Variants in PDE4B observed in about 807,000 individuals in gnomAD.
PDE4B encodes 3',5'-cyclic-AMP phosphodiesterase 4B.
PDE4B carries 20 observed loss-of-function variants against 82.2 expected under a neutral mutation model. That is an observed-to-expected ratio of 0.24 (90% CI 0.17 to 0.35). The LOEUF (loss-of-function observed/expected upper bound fraction) is 0.35. Ranked by LOEUF, PDE4B falls within the 10% of genes least tolerant of loss-of-function variation. The pLI is 1.00. For synonymous variants in PDE4B, 320 were observed against 318.9 expected, an observed-to-expected ratio of 1.00 and a Z score of -0.04; for missense variants, 655 against 907.2, an observed-to-expected ratio of 0.72 and a Z score of 3.57.
intron 3 of PDE4B, among the ~76,000 whole-genome samples, chr1:65,986,250 T>C (rs1050976242): frequency 2.0e-5 from 3 of 152,150 alleles, no homozygotes; most frequent in African/African-American, 4.8e-5. Context: ...GGAGAGCTCA[T>C]AGATTAGGCC....
intron 3 of PDE4B, among the ~76,000 whole-genome samples, chr1:65,969,792 T>A (rs1440980986): frequency 2.0e-5 from 3 of 152,134 alleles, no homozygotes; most frequent in Non-Finnish European, 2.9e-5. Flanking sequence ...GTTTTGTTTC[T>A]TTATTTCTTT....
At chr1:65,916,666 T>C (rs556749628) in intron 2 of PDE4B, among the ~76,000 whole-genome samples, 1 of 152,274 alleles carries the variant, frequency 6.6e-6, no homozygotes, top group East Asian at 1.9e-4. Context: ...ATATTTTGTC[T>C]CCTAAAGAAG....
At chr1:66,051,531 G>A (rs144484788) in intron 3 of PDE4B, among the ~76,000 whole-genome samples, 68 of 152,094 alleles carry the variant, frequency 4.5e-4, no homozygotes, top group African/African-American at 1.5e-3. Context: ...TATTCCTCTC[G>A]CTGAAAAAGA....
chr1:66,212,225 A>G (rs1040599385), intron 3 of PDE4B, among the ~76,000 whole-genome samples: 3 of 152,158 alleles, frequency 2.0e-5, no homozygotes, highest in Non-Finnish European at 4.4e-5. Flanking sequence ...ATCTGCTTAC[A>G]GTTGGTACCA....
intron 7 of PDE4B, among the ~76,000 whole-genome samples, chr1:66,288,894 C>T (rs1262901483): frequency 6.6e-6 from 1 of 152,154 alleles, no homozygotes; most frequent in African/African-American, 2.4e-5. Context: ...TGTCATGATC[C>T]AGCTTTTTAA....
At chr1:66,207,462 C>A (rs1220465263) in intron 3 of PDE4B, among the ~76,000 whole-genome samples, 1 of 152,064 alleles carries the variant, frequency 6.6e-6, no homozygotes, top group East Asian at 1.9e-4. Flanking sequence ...TCAGTTAAGA[C>A]CAGCAGTTTA....
chr1:65,967,790 G>A (rs1649917218), intron 3 of PDE4B, among the ~76,000 whole-genome samples: 3 of 152,132 alleles, frequency 2.0e-5, no homozygotes. Flanking sequence ...AACACTGCAT[G>A]TTCTCACTCA....
intron 3 of PDE4B, among the ~76,000 whole-genome samples, chr1:65,962,145 T>G (rs1182998783): frequency 6.6e-6 from 1 of 152,138 alleles, no homozygotes; most frequent in African/African-American, 2.4e-5. Context: ...AAAGCCTATT[T>G]TATAATAAAG....
intron 1 of PDE4B, among the ~76,000 whole-genome samples, chr1:65,824,626 C>CAT (rs1241815381): frequency 6.7e-6 from 1 of 149,066 alleles, no homozygotes; most frequent in South Asian, 2.1e-4. Context: ...TATATATACA[C>CAT]ATATATATTT....
chr1:66,266,521 A>G (rs1261039672), intron 7 of PDE4B, among the ~76,000 whole-genome samples: 2 of 152,188 alleles, frequency 1.3e-5, no homozygotes, highest in African/African-American at 4.8e-5. Flanking sequence ...TATAGATTCC[A>G]CTTGAATCTA....
At chr1:65,845,007 A>C (rs1646252890) in intron 1 of PDE4B, among the ~76,000 whole-genome samples, 1 of 152,148 alleles carries the variant, frequency 6.6e-6, no homozygotes, top group Non-Finnish European at 1.5e-5. Flanking sequence ...CAGCTGCTGA[A>C]TTTGCAACTA....
chr1:65,842,404 G>T (rs890118078), intron 1 of PDE4B, among the ~76,000 whole-genome samples: 3 of 152,074 alleles, frequency 2.0e-5, no homozygotes, highest in African/African-American at 7.2e-5. Context: ...GCTCTTAGTA[G>T]TTTGAAGTCT....
intron 1 of PDE4B, among the ~76,000 whole-genome samples, chr1:65,850,518 G>A (rs1056836781): frequency 2.0e-5 from 3 of 152,098 alleles, no homozygotes; most frequent in Non-Finnish European, 4.4e-5. Context: ...GTCCTCTGAT[G>A]GTGAAGGATG....
At chr1:66,013,703 A>T (rs948542857) in intron 3 of PDE4B, among the ~76,000 whole-genome samples, 3 of 152,060 alleles carry the variant, frequency 2.0e-5, no homozygotes, top group African/African-American at 4.8e-5. Context: ...TCATCCACCT[A>T]TGGAAATTTA....
intron 1 of PDE4B, among the ~76,000 whole-genome samples, chr1:65,900,587 G>A (rs563095289): frequency 2.5e-4 from 38 of 152,172 alleles, no homozygotes; most frequent in Non-Finnish European, 4.1e-4. Flanking sequence ...AAATCTATGA[G>A]CATGGAATGT....
chr1:66,367,676 C>T lies in PDE4B; in HGVS notation c.1385-20C>T. ...TCATATCCCTTTTTAATTAAGTCATCATTTGGTCTGATTTATTAGATTCAG... is the reference window on the plus strand; with the variant it reads ...TCATATCCCTTTTTAATTAAGTCATTATTTGGTCTGATTTATTAGATTCAG... On this transcript the variant is annotated intron_variant, in intron 13 of 16. Coordinates refer to ENST00000341517, the MANE Select transcript of PDE4B (RefSeq NM_002600.4). 1 of 1,584,326 alleles carries T rather than the reference C, an allele frequency of 6.3e-7. No homozygotes were observed. Among genetic ancestry groups the T allele is most frequent in the Non-Finnish European group, 8.6e-7 (1 of 1,160,228 alleles).
At chr1:66,217,862 T>A (rs1650591652) in intron 3 of PDE4B, among the ~76,000 whole-genome samples, 1 of 151,998 alleles carries the variant, frequency 6.6e-6, no homozygotes, top group African/African-American at 2.4e-5. Flanking sequence ...ATACAAAAAG[T>A]GGGGCTGGAA....
upstream of PDE4B, among the ~76,000 whole-genome samples, chr1:65,792,805 A>G (rs1645586174): frequency 6.6e-6 from 1 of 151,724 alleles, no homozygotes; most frequent in African/African-American, 2.4e-5. Flanking sequence ...CCGGCTGAGG[A>G]GCGCAGCGCG....
chr1:65,942,578 T>C (rs1033370884), intron 3 of PDE4B, among the ~76,000 whole-genome samples: 2 of 151,972 alleles, frequency 1.3e-5, no homozygotes, highest in Non-Finnish European at 2.9e-5. Context: ...GGTAGCTCTA[T>C]TTTTAAGTTT....
Sources: gnomAD v4.1 joint callset for allele counts (sites outside exome capture counted in the v4.1 genomes callset) on GRCh38, gnomAD v4.1.1 for gene constraint, MANE v1.5 for transcripts, NCBI Gene and HGNC (gene_info 2026-07-23, HGNC 2026-07-21) for gene names.